ZNF81: variants seen among roughly 807,000 people sequenced by gnomAD.
ZNF81 encodes the protein zinc finger protein 81.
In ZNF81, 5 loss-of-function variants were observed where a neutral mutation model predicts 32.3. That is an observed-to-expected ratio of 0.15 (90% confidence interval 0.08 to 0.33). The LOEUF (loss-of-function observed/expected upper bound fraction) is 0.33, where lower values mean the gene tolerates loss of function less well. Among genes scored for constraint, ZNF81 ranks in the 10% least tolerant of loss-of-function variants. The probability of loss-of-function intolerance (pLI) is 1.00; values close to 1 mark genes in which losing one functional copy is unlikely to be tolerated. For synonymous variants in ZNF81, 163 were observed against 166.8 expected (o/e 0.98, Z 0.17); for missense variants, 379 against 479.8 (o/e 0.79, Z 1.96).
intron 4 of ZNF81, among the ~76,000 whole-genome samples, chrX:47,898,595 C>CTTT (rs1186339320): frequency 9.0e-6 from 1 of 111,524 alleles, no homozygotes; most frequent in Non-Finnish European, 1.9e-5. Flanking sequence ...TCAGTTTGTA[C>CTTT]TTTTTACAAA....
At chrX:47,871,242 T>C (rs2058579069) in intron 2 of ZNF81, among the ~76,000 whole-genome samples, 1 of 111,997 alleles carries the variant, frequency 8.9e-6, no homozygotes, top group Non-Finnish European at 1.9e-5. Context: ...TTAGTTCCCA[T>C]GAAGTCAAGA....
chrX:47,882,473 T>G (rs2058624809), intron 2 of ZNF81, among the ~76,000 whole-genome samples: 1 of 112,303 alleles, frequency 8.9e-6, no homozygotes, highest in East Asian at 2.8e-4. Context: ...TTTCCTTTTT[T>G]GTTGCTGAGT....
At chrX:47,889,593 C>T (rs1203047421) in intron 3 of ZNF81, among the ~76,000 whole-genome samples, 3 of 111,986 alleles carry the variant, frequency 2.7e-5, no homozygotes, top group African/African-American at 9.7e-5. Flanking sequence ...GTATTAGTTA[C>T]ACCATGTATT....
At chrX:47,842,022 G>GT (rs1379821214) in intron 1 of ZNF81, among the ~76,000 whole-genome samples, 2 of 111,165 alleles carry the variant, frequency 1.8e-5, no homozygotes, top group African/African-American at 6.5e-5. Context: ...TACATTTTTC[G>GT]TTTTCATTCA....
Position 47,917,755 on chromosome X carries a change from A to G in ZNF81, c.*1123A>G, listed in dbSNP as rs1383143887. 8.6e-6 allele frequency: 1 copy of G among 115,994 alleles called. No homozygotes were observed. The highest frequency in any genetic ancestry group is 1.8e-5 in the Non-Finnish European group (1 of 56,184). The allele number at this position is 115,994 out of a possible 1,213,427, so 9.6% of individuals were successfully genotyped here. On this transcript the variant is annotated 3_prime_UTR_variant, in exon 5 of 5. Transcript: ENST00000338637. ...AGCTGATTTACAGAATTGTGAGATA[A>G]ATAAAATGATGATAGTTTTAAGCAA...
chrX:47,888,319 T>A, intron 3 of ZNF81, 194 bp downstream of exon 3: 2 of 554,893 alleles, frequency 3.6e-6, no homozygotes, highest in Non-Finnish European at 5.7e-6. Flanking sequence ...ATTGGTGTCC[T>A]TATAAAAAGG....
At chrX:47,837,324 A>G (rs2058429232) in intron 1 of ZNF81, among the ~76,000 whole-genome samples, 1 of 112,093 alleles carries the variant, frequency 8.9e-6, no homozygotes, top group Admixed American at 9.4e-5. Context: ...AAATATAAGG[A>G]GACTTATGGC....
At chrX:47,851,140 T>C (rs1173184878) in intron 2 of ZNF81, among the ~76,000 whole-genome samples, 4 of 112,009 alleles carry the variant, frequency 3.6e-5, no homozygotes, top group African/African-American at 1.3e-4. Flanking sequence ...TAATAGACAT[T>C]TAAATGGTTT....
intron 2 of ZNF81, among the ~76,000 whole-genome samples, chrX:47,886,216 C>T (rs782774544): frequency 2.7e-5 from 3 of 112,256 alleles, no homozygotes; most frequent in Non-Finnish European, 3.8e-5. Flanking sequence ...CCCTTTCTCT[C>T]CACACCTTTC....
intron 4 of ZNF81, among the ~76,000 whole-genome samples, chrX:47,900,291 T>C (rs1449289400): frequency 1.8e-5 from 2 of 111,159 alleles, no homozygotes; most frequent in African/African-American, 6.5e-5. Context: ...AGACTAAAAA[T>C]AGACCCATTA....
chrX:47,886,551 A>G (rs1202589305), intron 2 of ZNF81, among the ~76,000 whole-genome samples: 1 of 107,336 alleles, frequency 9.3e-6, no homozygotes, highest in East Asian at 2.9e-4. Context: ...CTCCCCTTCA[A>G]TTCTTCAAGT....
rs781863856 is a variant in ZNF81, at chrX:47,888,106, C to T, written c.162C>T (p.Tyr54=). The part of the protein sequence containing the change: ...RLYQDVMLEN[Y]SHLLSVGFEV... Reference sequence around the variant, plus strand: ...ACCAGGATGTAATGTTGGAGAACTACAGCCACCTGCTCTCAGTGGGTAAGG... The same window carrying T: ...ACCAGGATGTAATGTTGGAGAACTATAGCCACCTGCTCTCAGTGGGTAAGG... Residue 54 remains tyrosine (Y), a synonymous_variant, in exon 3 of 5, where the codon TAC becomes TAT. Transcript: ENST00000338637. 6.6e-6 allele frequency: 8 copies of T among 1,207,653 alleles called. No individual in the cohort carries two copies. Among genetic ancestry groups the T allele is most frequent in the African/African-American group, 5.3e-5 (3 of 56,873 alleles).
Position 47,921,782 on chromosome X carries a change from C to G in ZNF81, c.*5150C>G, listed in dbSNP as rs2058777909. 1 of 111,102 alleles carries G rather than the reference C, an allele frequency of 9.0e-6. No individual in the cohort carries two copies. Among genetic ancestry groups the G allele is most frequent in the African/African-American group, 3.3e-5 (1 of 30,526 alleles). 9.2% of individuals were successfully genotyped at this position (111,102 alleles called of 1,213,427 possible). A position where few individuals can be genotyped will look rare whatever the true frequency, so the allele number is the denominator to read the frequency against. Reference sequence around the variant, plus strand: ...AGGTCCACATGAGTGAACTTTGAAGCATATCCTCCCCCAGTTTAGCCTTTA... The same window carrying G: ...AGGTCCACATGAGTGAACTTTGAAGGATATCCTCCCCCAGTTTAGCCTTTA... On this transcript the variant is annotated 3_prime_UTR_variant, in exon 5 of 5. Transcript: ENST00000338637.
intron 3 of ZNF81, among the ~76,000 whole-genome samples, chrX:47,895,350 T>C (rs1556887040): frequency 9.0e-6 from 1 of 111,192 alleles, no homozygotes; most frequent in African/African-American, 3.3e-5. Flanking sequence ...GTATTGCTGC[T>C]ACAAGCATGC....
rs1017362871 is a variant in ZNF81, at chrX:47,921,394, A to G, written c.*4762A>G. On this transcript the variant is annotated 3_prime_UTR_variant, in exon 5 of 5. Transcript: ENST00000338637. ...CGATCACATGGAGCAGTAATGGAGC[A>G]AAGACCAGCCATCCCAGTTGAGATA... 5 of 109,869 alleles carry G rather than the reference A, an allele frequency of 4.6e-5. No homozygotes were observed. The highest frequency in any genetic ancestry group is 1.7e-4 in the African/African-American group (5 of 30,207). The allele number at this position is 109,869 out of a possible 1,213,427, so 9.1% of individuals were successfully genotyped here.
At chrX:47,911,309 T>C (rs2058738440) in intron 4 of ZNF81, among the ~76,000 whole-genome samples, 1 of 111,548 alleles carries the variant, frequency 9.0e-6, no homozygotes. Flanking sequence ...TTTATTATTT[T>C]GTGCTCTGCC....
rs188173106 is a variant in ZNF81 at position 47,843,245 on chromosome X, A to G, written c.-163-2860A>G. On this transcript the variant is annotated intron_variant, in intron 1 of 4. Transcript: ENST00000338637. Reference sequence around the variant, plus strand: ...CATTCATCACTTGATGGACATTTGGATTATTTCCACTTTTTGGCTATTATG... The same window carrying G: ...CATTCATCACTTGATGGACATTTGGGTTATTTCCACTTTTTGGCTATTATG... 8.1e-3 allele frequency among the ~76,000 whole-genome samples: 906 copies of G among 111,230 alleles called. 10 individuals carry two copies. The highest frequency in any genetic ancestry group is 0.028 in the African/African-American group (860 of 30,587).
At chrX:47,847,545 A>G (rs2058475901) in intron 2 of ZNF81, among the ~76,000 whole-genome samples, 2 of 111,863 alleles carry the variant, frequency 1.8e-5, no homozygotes, top group Admixed American at 1.9e-4. Flanking sequence ...TTGACTTGCT[A>G]AAGTCTGGAC....
At chrX:47,843,844 T>C (rs1556880117) in intron 1 of ZNF81, among the ~76,000 whole-genome samples, 1 of 112,203 alleles carries the variant, frequency 8.9e-6, no homozygotes, top group African/African-American at 3.2e-5. Flanking sequence ...ATTTCATTTC[T>C]TTTTTTTCTT....
Sources: allele counts gnomAD v4.1 joint callset (sites outside exome capture counted in the v4.1 genomes callset), GRCh38; gene constraint gnomAD v4.1.1; transcripts MANE v1.5; gene names NCBI Gene and HGNC (gene_info 2026-07-23, HGNC 2026-07-21).